The following EIF4G3 variants were observed in gnomAD, a reference collection of about 807,000 sequenced individuals.
EIF4G3 encodes eukaryotic translation initiation factor 4 gamma 3.
In EIF4G3, 34 loss-of-function variants were observed where a neutral mutation model predicts 186.4. That is an observed-to-expected ratio of 0.18 (90% CI 0.14 to 0.24). The LOEUF is 0.24. Ranked by LOEUF, EIF4G3 falls within the 10% of genes least tolerant of loss-of-function variation. The pLI, the probability that EIF4G3 is intolerant of heterozygous loss-of-function variation, is 1.00. For missense variants in EIF4G3, 1,536 were observed against 1,948.5 expected (o/e 0.79, Z 3.99); for synonymous variants, 673 against 679.5 (o/e 0.99, Z 0.15).
At chr1:21,040,537 G>A (rs1029322825) in intron 4 of EIF4G3, among the ~76,000 whole-genome samples, 1 of 152,146 alleles carries the variant, frequency 6.6e-6, no homozygotes, top group Admixed American at 6.5e-5. Context: ...TCCAGAGGCC[G>A]GGACGTATGG....
chr1:21,092,831 C>G (rs565256819), intron 2 of EIF4G3, among the ~76,000 whole-genome samples: 3 of 151,960 alleles, frequency 2.0e-5, no homozygotes, highest in Non-Finnish European at 2.9e-5. Context: ...ACAAACCTGA[C>G]AAAAACAAGA....
chr1:20,974,988 C>G (rs1166027528), intron 10 of EIF4G3, among the ~76,000 whole-genome samples: 1 of 152,150 alleles, frequency 6.6e-6, no homozygotes, highest in East Asian at 1.9e-4. Flanking sequence ...TCAACATCCC[C>G]ACTACCACCA....
intron 14 of EIF4G3, among the ~76,000 whole-genome samples, chr1:20,931,976 C>T (rs2095332792): frequency 1.3e-5 from 2 of 151,890 alleles, no homozygotes; most frequent in Non-Finnish European, 2.9e-5. Context: ...AAGGCGGTTT[C>T]ATCTACAATA....
At chr1:21,067,131 C>CTTTTTTTT (rs1392802757) in intron 3 of EIF4G3, among the ~76,000 whole-genome samples, 1 of 122,650 alleles carries the variant, frequency 8.2e-6, no homozygotes, top group African/African-American at 3.0e-5. Context: ...TTTTTCTTTT[C>CTTTTTTTT]TTTTTTTTTT....
intron 14 of EIF4G3, among the ~76,000 whole-genome samples, chr1:20,940,084 G>A (rs546950981): frequency 6.6e-6 from 1 of 151,998 alleles, no homozygotes; most frequent in East Asian, 1.9e-4. Context: ...TCGAACTCCT[G>A]AGCTCAGGCA....
chr1:21,033,963 C>T (rs1185019134), intron 4 of EIF4G3, among the ~76,000 whole-genome samples: 1 of 152,088 alleles, frequency 6.6e-6, no homozygotes, highest in African/African-American at 2.4e-5. Context: ...CTGGTATGTG[C>T]CTGTAGTACT....
At chr1:20,925,125 T>C (rs1194423382) in intron 14 of EIF4G3, among the ~76,000 whole-genome samples, 2 of 152,220 alleles carry the variant, frequency 1.3e-5, no homozygotes, top group Non-Finnish European at 2.9e-5. Context: ...ATTATACATG[T>C]GAATGTGCAT....
At chr1:21,007,279 T>A (rs1020581191) in intron 4 of EIF4G3, among the ~76,000 whole-genome samples, 2 of 151,992 alleles carry the variant, frequency 1.3e-5, no homozygotes, top group East Asian at 3.9e-4. Context: ...GCACCTGTAA[T>A]CCCAGCTACT....
intron 2 of EIF4G3, among the ~76,000 whole-genome samples, chr1:21,139,149 C>T (rs2097296829): frequency 6.6e-6 from 1 of 152,108 alleles, no homozygotes; most frequent in East Asian, 1.9e-4. Context: ...TTATCAGGTC[C>T]CAAAACAAAT....
chr1:21,000,034 AT>A (rs1328515762), intron 6 of EIF4G3, among the ~76,000 whole-genome samples: 2 of 152,024 alleles, frequency 1.3e-5, no homozygotes, highest in Non-Finnish European at 2.9e-5. Context: ...ACCACAAAAT[AT>A]AAAAATAATC....
At chr1:21,134,793 G>GTTACAT (rs1215707897) in intron 2 of EIF4G3, among the ~76,000 whole-genome samples, 1 of 152,134 alleles carries the variant, frequency 6.6e-6, no homozygotes, top group Non-Finnish European at 1.5e-5. Context: ...AGAGACTTTA[G>GTTACAT]TTACATTTTG....
intron 5 of EIF4G3, among the ~76,000 whole-genome samples, chr1:21,001,898 A>G (rs1035628310): frequency 6.6e-6 from 1 of 152,230 alleles, no homozygotes; most frequent in African/African-American, 2.4e-5. Context: ...CACTCCAGGC[A>G]AAAAGGCAGG....
chr1:20,887,374 A>G (rs978984218), intron 18 of EIF4G3, among the ~76,000 whole-genome samples: 1 of 152,170 alleles, frequency 6.6e-6, no homozygotes, highest in Non-Finnish European at 1.5e-5. Flanking sequence ...TTCAGAGAAA[A>G]AAGTCTAGAC....
At chr1:21,051,787 C>T (rs1004958078) in intron 3 of EIF4G3, among the ~76,000 whole-genome samples, 1 of 152,068 alleles carries the variant, frequency 6.6e-6, no homozygotes, top group Non-Finnish European at 1.5e-5. Context: ...TGCTTGGGCC[C>T]AGGAGTTCAA....
At chr1:20,958,906 C>T (rs2096502662) in intron 12 of EIF4G3, among the ~76,000 whole-genome samples, 2 of 152,064 alleles carry the variant, frequency 1.3e-5, no homozygotes, top group African/African-American at 4.8e-5. Flanking sequence ...ACAGATGACA[C>T]AAACAAATGG....
chr1:20,895,977 A>G (rs1330765277), intron 16 of EIF4G3, among the ~76,000 whole-genome samples: 3 of 152,114 alleles, frequency 2.0e-5, no homozygotes, highest in Admixed American at 6.6e-5. Flanking sequence ...AGCTCTATGC[A>G]TATTATTGCC....
chr1:21,093,222 A>T (rs1244977816), intron 2 of EIF4G3, among the ~76,000 whole-genome samples: 3 of 152,254 alleles, frequency 2.0e-5, no homozygotes, highest in African/African-American at 7.2e-5. Context: ...GCTAATATCC[A>T]GAATCTACAA....
intron 16 of EIF4G3, among the ~76,000 whole-genome samples, chr1:20,896,263 T>A (rs776813463): frequency 6.6e-6 from 1 of 151,422 alleles, no homozygotes; most frequent in Admixed American, 6.6e-5. Flanking sequence ...TAAGACCTAA[T>A]CTCTAGAAAA....
intron 2 of EIF4G3, among the ~76,000 whole-genome samples, chr1:21,123,674 T>G (rs894201501): frequency 6.6e-6 from 1 of 151,902 alleles, no homozygotes; most frequent in Non-Finnish European, 1.5e-5. Context: ...GGGAAGTGAG[T>G]GGCAGGAAAA....
Sources: gnomAD v4.1 joint callset for allele counts (sites outside exome capture counted in the v4.1 genomes callset) on GRCh38, gnomAD v4.1.1 for gene constraint, MANE v1.5 for transcripts, NCBI Gene and HGNC (gene_info 2026-07-23, HGNC 2026-07-21) for gene names.